Variants in RPTOR observed in about 807,000 individuals in gnomAD.
RPTOR encodes the protein regulatory associated protein of MTOR complex 1.
A neutral mutation model predicts 169.9 loss-of-function variants in RPTOR; 21 were observed. That is an observed-to-expected ratio of 0.12 (90% CI 0.09 to 0.18). The LOEUF (loss-of-function observed/expected upper bound fraction) is 0.18, where lower values mean the gene tolerates loss of function less well. Among genes scored for constraint, RPTOR ranks in the 10% least tolerant of loss-of-function variants. RPTOR has a pLI of 1.00. For missense variants in RPTOR, 1,133 were observed against 1,855.9 expected (o/e 0.61, Z 7.16); for synonymous variants, 732 against 753.2 (o/e 0.97, Z 0.46).
At chr17:80,789,364 G>A (rs1323374250) in intron 6 of RPTOR, among the ~76,000 whole-genome samples, 1 of 152,110 alleles carries the variant, frequency 6.6e-6, no homozygotes, top group East Asian at 1.9e-4. Context: ...TAGTTCTAAG[G>A]TGTGGTTCAT....
chr17:80,586,323 G>A (rs1001848174), intron 1 of RPTOR, among the ~76,000 whole-genome samples: 1 of 152,082 alleles, frequency 6.6e-6, no homozygotes, highest in African/African-American at 2.4e-5. Flanking sequence ...GTGACTGATT[G>A]GTGCCTCCTG....
In RPTOR at chr17:80,803,070, C is replaced by G. The variant is rs2067178916; in HGVS notation, c.890+11561C>G. The G allele has an allele frequency of 1.3e-5, 2 of 152,452 alleles. No individual in the cohort carries two copies. Among genetic ancestry groups the G allele is most frequent in the South Asian group, 4.1e-4 (2 of 4,838 alleles). The allele number at this position is 152,452 out of a possible 1,614,324, so 9.4% of individuals were successfully genotyped here. On this transcript the variant is annotated intron_variant, in intron 7 of 33. Transcript: ENST00000306801. The surrounding 1 kb of genome is among the most constrained non-coding windows in gnomAD (Gnocchi z 6.2). ...TGGTGGGGTGCCTGGAGTGCCTCCT[C>G]TGGCAGGGGTGCCTCCTTGGATCTG...
intron 5 of RPTOR, among the ~76,000 whole-genome samples, chr17:80,734,781 T>C (rs2066421134): frequency 6.6e-6 from 1 of 152,042 alleles, no homozygotes; most frequent in South Asian, 2.1e-4. Flanking sequence ...ATCCTTGGAG[T>C]CAACTAACTG....
At chr17:80,938,167 G>A (rs1459615357) in intron 24 of RPTOR, among the ~76,000 whole-genome samples, 7 of 152,340 alleles carry the variant, frequency 4.6e-5, no homozygotes, top group Admixed American at 3.3e-4. Flanking sequence ...CCTGTCTCCG[G>A]GCGTCCTGTG....
rs1319737253 is a variant in RPTOR, at chr17:80,801,343, A to T, written c.890+9834A>T. ...TTATCTACCTTTTAAAAGATGGGGA[A>T]ACTGAGGCACCCAGCAAGCACAGGG... On this transcript the variant is annotated intron_variant, in intron 7 of 33. Transcript: ENST00000306801. Among the ~76,000 whole-genome samples the T allele has an allele frequency of 3.3e-5, 5 of 152,196 alleles. No homozygotes were observed. The East Asian group carries it at 9.7e-4, about 29-fold the overall frequency.
chr17:80,781,529 A>T (rs1187091670), intron 6 of RPTOR, among the ~76,000 whole-genome samples: 2 of 152,176 alleles, frequency 1.3e-5, no homozygotes, highest in Admixed American at 1.3e-4. Flanking sequence ...TTACTCAAAA[A>T]GGGCCCCTTC....
chr17:80,760,599 G>A (rs567663224), intron 6 of RPTOR, among the ~76,000 whole-genome samples: 1 of 152,296 alleles, frequency 6.6e-6, no homozygotes, highest in African/African-American at 2.4e-5. Context: ...ACCGCACCCA[G>A]CCTCAGTCAA....
In RPTOR at chr17:80,701,905, T is replaced by C. The variant is rs1222675748; in HGVS notation, c.349-5936T>C. Among the ~76,000 whole-genome samples, 3 of 151,504 alleles carry C rather than the reference T, an allele frequency of 2.0e-5. No homozygotes were observed. The East Asian group carries it at 5.9e-4, about 30-fold the overall frequency. On this transcript the variant is annotated intron_variant, in intron 3 of 33. Transcript: ENST00000306801. ...AGCCCCTCCTCTTCCCAGGTGGCCG[T>C]CTCTCCTTGATCCACACCAGCGGCA...
At chr17:80,886,637 C>T (rs1478655048) in intron 17 of RPTOR, among the ~76,000 whole-genome samples, 4 of 152,244 alleles carry the variant, frequency 2.6e-5, no homozygotes, top group Non-Finnish European at 5.9e-5. Context: ...ATCCCGTGGC[C>T]GGGCTGTGGC....
Position 80,940,487 on chromosome 17 carries a change from T to C in RPTOR, c.2920-9T>C. ...GCTGGGCTTAACTGGGTGTTTTCTGTTGTTGAAGATCCCAGAAGAGCACGA... is the reference window on the plus strand; with the variant it reads ...GCTGGGCTTAACTGGGTGTTTTCTGCTGTTGAAGATCCCAGAAGAGCACGA... On this transcript the variant is annotated splice_polypyrimidine_tract_variant and intron_variant, in intron 24 of 33. Transcript: ENST00000306801. 1 of 1,611,252 alleles carries C rather than the reference T, an allele frequency of 6.2e-7. No homozygotes were observed. The highest frequency in any genetic ancestry group is 8.5e-7 in the Non-Finnish European group (1 of 1,178,304).
At chr17:80,635,630 A>T (rs2065500103) in intron 2 of RPTOR, among the ~76,000 whole-genome samples, 1 of 152,172 alleles carries the variant, frequency 6.6e-6, no homozygotes, top group East Asian at 1.9e-4. Flanking sequence ...AGGGGAGGTC[A>T]GCGCCTAGTA....
In RPTOR at chr17:80,880,497, CG is replaced by C. The variant is rs1567964730; in HGVS notation, c.1584+12del. 1.9e-6 allele frequency: 3 copies of C among 1,612,908 alleles called. No homozygotes were observed. The highest frequency in any genetic ancestry group is 2.5e-6 in the Non-Finnish European group (3 of 1,179,634). On this transcript the variant is annotated intron_variant, in intron 14 of 33. Coordinates refer to ENST00000306801, the MANE Select transcript of RPTOR (RefSeq NM_020761.3). Reference sequence around the variant, plus strand: ...GCGGACCCCTACATGCCAGTAAGGACGGGGCAGCACGCTCTCCACGGGCTTG... The same window carrying C: ...GCGGACCCCTACATGCCAGTAAGGACGGGCAGCACGCTCTCCACGGGCTTG...
chr17:80,826,044 A>T (rs1263270111), intron 9 of RPTOR, among the ~76,000 whole-genome samples: 2 of 151,974 alleles, frequency 1.3e-5, no homozygotes, highest in Admixed American at 6.6e-5. Context: ...TGAGGATGGG[A>T]TGGGAGGTGA....
At position 80,630,996 on chromosome 17, in the gene RPTOR, C is replaced by T. The variant is rs1030574576; in HGVS notation, c.265+5203C>T. Among the ~76,000 whole-genome samples the T allele has an allele frequency of 2.6e-5, 4 of 152,184 alleles. No individual in the cohort carries two copies. The South Asian group carries it at 6.2e-4, about 24-fold the overall frequency. On this transcript the variant is annotated intron_variant, in intron 2 of 33. Coordinates refer to ENST00000306801, the MANE Select transcript of RPTOR (RefSeq NM_020761.3). ...GGGCGTAGTGCGGTTGCAGTGTTTT[C>T]ACCTGTCCCCCAGTGATGGCAAACG...
At chr17:80,690,342 T>TACACAC (rs56006985) in intron 3 of RPTOR, among the ~76,000 whole-genome samples, 60,778 of 145,328 alleles carry the variant, frequency 0.42, 12,663 homozygotes, top group East Asian at 0.56. Flanking sequence ...CACACACACA[T>TACACAC]ACACACACAC....
rs1311328242 is a variant in RPTOR at position 80,947,686 on chromosome 17, A to C, written c.3265+335A>C. Among the ~76,000 whole-genome samples the C allele has an allele frequency of 6.6e-6, 1 of 151,982 alleles. No homozygotes were observed. Among genetic ancestry groups the C allele is most frequent in the Non-Finnish European group, 1.5e-5 (1 of 67,974 alleles). ...GGGTCCCACGTGACACCCGAGAATCAGGGAAGGATGCCCCAAGCCACAACA... is the reference window on the plus strand; with the variant it reads ...GGGTCCCACGTGACACCCGAGAATCCGGGAAGGATGCCCCAAGCCACAACA... On this transcript the variant is annotated intron_variant, in intron 27 of 33. Transcript: ENST00000306801. This position sits in a 1 kb window ranked among gnomAD's most constrained non-coding sequence, Gnocchi z 4.4.
rs12453034 is a variant in RPTOR at position 80,708,956 on chromosome 17, G to A, written c.507+957G>A. On this transcript the variant is annotated intron_variant, in intron 4 of 33. Coordinates refer to ENST00000306801, the MANE Select transcript of RPTOR (RefSeq NM_020761.3). The surrounding 1 kb of genome is among the most constrained non-coding windows in gnomAD (Gnocchi z 4.2). ...CCATCATAGTGAGGACTCTGACTCC[G>A]TTTCTTCACACACTGAACTCTCGGT... is the stretch of plus-strand genomic sequence containing the variant. 221,081 of 985,402 alleles carry A rather than the reference G, an allele frequency of 0.22. 25,970 individuals are homozygous for A. The highest frequency in any genetic ancestry group is 0.24 in the Non-Finnish European group (197,550 of 829,702). The allele number at this position is 985,402 out of a possible 1,614,324, so 61.0% of individuals were successfully genotyped here. A position where few individuals can be genotyped will look rare whatever the true frequency, so the allele number is the denominator to read the frequency against.
At chr17:80,865,193 C>T (rs1348288837) in intron 13 of RPTOR, among the ~76,000 whole-genome samples, 2 of 152,168 alleles carry the variant, frequency 1.3e-5, no homozygotes, top group Non-Finnish European at 2.9e-5. Flanking sequence ...AGTTAATTAG[C>T]TGACAACAGA....
At chr17:80,627,671 A>C (rs1599613630) in intron 2 of RPTOR, among the ~76,000 whole-genome samples, 2 of 151,898 alleles carry the variant, frequency 1.3e-5, no homozygotes, top group South Asian at 4.2e-4. Flanking sequence ...TGGCTCCCTC[A>C]CAATTTGTTT....
Sources: gnomAD v4.1 joint callset for allele counts (sites outside exome capture counted in the v4.1 genomes callset) on GRCh38, gnomAD v4.1.1 for gene constraint, Gnocchi (gnomAD v3.1) non-coding constraint, MANE v1.5 for transcripts, NCBI Gene and HGNC (gene_info 2026-07-23, HGNC 2026-07-21) for gene names.